Variants in VPS13A observed in about 807,000 individuals in gnomAD.
VPS13A encodes intermembrane lipid transfer protein VPS13A.
In VPS13A, 264 loss-of-function variants were observed where a neutral mutation model predicts 390.9. That is an observed-to-expected ratio of 0.68 (90% CI 0.61 to 0.75). The LOEUF (loss-of-function observed/expected upper bound fraction) is 0.75, where lower values mean the gene tolerates loss of function less well. Among genes scored for constraint, VPS13A ranks in the 30% least tolerant of loss-of-function variants. The probability of loss-of-function intolerance (pLI) is 0.00; values close to 1 mark genes in which losing one functional copy is unlikely to be tolerated. For missense variants in VPS13A, 3,409 were observed against 3,733.9 expected (o/e 0.91, Z 2.27); for synonymous variants, 1,231 against 1,227.1 (o/e 1.00, Z -0.07).
At chr9:77,182,509 A>G (rs1430481174) in intron 1 of VPS13A, among the ~76,000 whole-genome samples, 1 of 152,196 alleles carries the variant, frequency 6.6e-6, no homozygotes, top group African/African-American at 2.4e-5. Flanking sequence ...TAGGACATGA[A>G]AATATTTTTT....
rs115879935 is a variant in VPS13A, at chr9:77,421,529, C to A, written c.*5523C>A. ...GTATACCTTTGTCAAATAAAGATTTCTGATCTTTGGTCTGCTTCTGTTTTT... is the reference window on the plus strand; with the variant it reads ...GTATACCTTTGTCAAATAAAGATTTATGATCTTTGGTCTGCTTCTGTTTTT... On this transcript the variant is annotated 3_prime_UTR_variant, in exon 72 of 72. Transcript: ENST00000360280. 146 of 152,180 alleles carry A rather than the reference C, an allele frequency of 9.6e-4. No individual in the cohort carries two copies. The highest frequency in any genetic ancestry group is 3.4e-3 in the African/African-American group (143 of 41,528). 9.4% of individuals were successfully genotyped at this position (152,180 alleles called of 1,614,324 possible). A position where few individuals can be genotyped will look rare whatever the true frequency, so the allele number is the denominator to read the frequency against.
rs1823202650 is a variant in VPS13A at position 77,221,364 on chromosome 9, T to G, written c.1161+8T>G. On this transcript the variant is annotated splice_region_variant and intron_variant, in intron 13 of 71. Transcript: ENST00000360280. Reference sequence around the variant, plus strand: ...CTTCTCGTGTCTTTGGAGGTTAGCATTTAAAATGAAATTGTTGAGTGTTTT... The same window carrying G: ...CTTCTCGTGTCTTTGGAGGTTAGCAGTTAAAATGAAATTGTTGAGTGTTTT... The G allele has an allele frequency of 1.9e-6, 3 of 1,612,018 alleles. No homozygotes were observed. The highest frequency in any genetic ancestry group is 2.5e-6 in the Non-Finnish European group (3 of 1,179,138).
chr9:77,312,874 T>A (rs576947978), intron 35 of VPS13A, among the ~76,000 whole-genome samples: 1 of 152,140 alleles, frequency 6.6e-6, no homozygotes, highest in African/African-American at 2.4e-5. Flanking sequence ...GGCAAAGAAT[T>A]TGAAAGTTAA....
chr9:77,403,190 G>A, intron 68 of VPS13A, 46 bp from the exon 69 acceptor site: 1 of 1,420,126 alleles, frequency 7.0e-7, no homozygotes. Flanking sequence ...CATTACAGTA[G>A]GAAATACTAT....
At chr9:77,406,088 C>T in intron 70 of VPS13A, 101 bp downstream of exon 70, 3 of 1,481,824 alleles carry the variant, frequency 2.0e-6, no homozygotes, top group Non-Finnish European at 2.8e-6. Flanking sequence ...TTATAGATGT[C>T]ACTTTGTCCT....
At chr9:77,248,524 T>G (rs1028735774) in intron 20 of VPS13A, among the ~76,000 whole-genome samples, 1 of 152,026 alleles carries the variant, frequency 6.6e-6, no homozygotes. Flanking sequence ...GACCCTTTTT[T>G]TCTAATTATA....
intron 68 of VPS13A, chr9:77,395,843 A>G (rs1470438912): frequency 6.6e-6 from 1 of 152,168 alleles, no homozygotes; most frequent in Admixed American, 6.5e-5. Flanking sequence ...TAAGAATTTA[A>G]AAAAGAATCT....
chr9:77,221,330 C>A lies in VPS13A; in HGVS notation c.1135C>A (p.Pro379Thr). Residue 379 changes from proline (P) to threonine (T), a missense_variant, in exon 13 of 72, where the codon CCT becomes ACT. Coordinates refer to ENST00000360280, the MANE Select transcript of VPS13A (RefSeq NM_033305.3). Reference sequence around the variant, plus strand: ...AAAAAAGTTAACAAGTAAGAAGCCACCTGGTGAACTTCTCGTGTCTTTGGA... The same window carrying A: ...AAAAAAGTTAACAAGTAAGAAGCCAACTGGTGAACTTCTCGTGTCTTTGGA... ...YKKKLTSKKP[P>T]GELLVSLEEL... 6.2e-7 allele frequency: 1 copy of A among 1,613,000 alleles called. No homozygotes were observed. The highest frequency in any genetic ancestry group is 1.3e-5 in the African/African-American group (1 of 74,968).
intron 7 of VPS13A, among the ~76,000 whole-genome samples, chr9:77,211,036 CATT>C (rs993612463): frequency 1.3e-5 from 2 of 152,150 alleles, no homozygotes; most frequent in South Asian, 2.1e-4. Flanking sequence ...TTCTCAATAT[CATT>C]ATTAATATTG....
intron 46 of VPS13A, among the ~76,000 whole-genome samples, chr9:77,334,561 T>C (rs1054452158): frequency 3.3e-5 from 5 of 152,190 alleles, no homozygotes; most frequent in African/African-American, 4.8e-5. Flanking sequence ...AGCCAACCAC[T>C]CTGCCCTCAG....
chr9:77,407,661 TAA>T (rs763540372), intron 71 of VPS13A, 54 bp downstream of exon 71: 11 of 1,313,820 alleles, frequency 8.4e-6, no homozygotes, highest in Non-Finnish European at 1.1e-5. Context: ...CAAAATCATG[TAA>T]GTGGACTATT....
At chr9:77,331,651 A>G (rs1357213728) in intron 45 of VPS13A, among the ~76,000 whole-genome samples, 2 of 151,876 alleles carry the variant, frequency 1.3e-5, no homozygotes, top group Admixed American at 6.5e-5. Flanking sequence ...TGTCACTTTT[A>G]TCATATAAAT....
chr9:77,321,637 T>C lies in VPS13A; in HGVS notation c.5721T>C (p.Tyr1907=), dbSNP rs773977853. 27 of 1,613,256 alleles carry C rather than the reference T, an allele frequency of 1.7e-5. No individual in the cohort carries two copies. Among genetic ancestry groups the C allele is most frequent in the Non-Finnish European group, 2.3e-5 (27 of 1,179,592 alleles). The change falls in exon 44 of 72, where the codon TAT becomes TAC. Residue 1907 remains tyrosine (Y), a synonymous_variant. Coordinates refer to ENST00000360280, the MANE Select transcript of VPS13A (RefSeq NM_033305.3). ...TCAACATTCCTATGGCAAAATCATATGTATTGAAAAATGGAGAAAGTTTAA... is the reference window on the plus strand; with the variant it reads ...TCAACATTCCTATGGCAAAATCATACGTATTGAAAAATGGAGAAAGTTTAA... ...SVLNIPMAKS[Y]VLKNGESLSM...
intron 55 of VPS13A, among the ~76,000 whole-genome samples, chr9:77,357,401 G>T (rs1831869779): frequency 6.8e-6 from 1 of 147,214 alleles, no homozygotes; most frequent in African/African-American, 2.5e-5. Flanking sequence ...TGGGTTAGCA[G>T]GAAACTTAAA....
Position 77,368,098 on chromosome 9 carries a change from G to A in VPS13A, c.8515G>A (p.Asp2839Asn), listed in dbSNP as rs751281702. The A allele has an allele frequency of 2.5e-5, 40 of 1,612,196 alleles. No homozygotes were observed. Among genetic ancestry groups the A allele is most frequent in the Admixed American group, 6.7e-5 (4 of 59,938 alleles). ...CAACTATCAGTTCCATACAACATCCGATCTACAGTCTGAAGTCATAAGACA... is the reference window on the plus strand; with the variant it reads ...CAACTATCAGTTCCATACAACATCCAATCTACAGTCTGAAGTCATAAGACA... ...ELNYQFHTTS[D>N]LQSEVIRHYS... Residue 2839 changes from aspartate (D) to asparagine (N), a missense_variant, in exon 62 of 72, where the codon GAT becomes AAT. By Grantham distance (23) the Asp-to-Asn change is conservative. Transcript: ENST00000360280.
rs913660793 is a variant in VPS13A at position 77,418,663 on chromosome 9, C to T, written c.*2657C>T. 1.3e-5 allele frequency: 1 copy of T among 75,790 alleles called. No homozygotes were observed. The highest frequency in any genetic ancestry group is 2.9e-5 in the Non-Finnish European group (1 of 34,812). 4.7% of individuals were successfully genotyped at this position (75,790 alleles called of 1,614,324 possible). A position where few individuals can be genotyped will look rare whatever the true frequency, so the allele number is the denominator to read the frequency against. On this transcript the variant is annotated 3_prime_UTR_variant, in exon 72 of 72. Coordinates refer to ENST00000360280, the MANE Select transcript of VPS13A (RefSeq NM_033305.3). ...CCACCTGTAGACAGTTCTTACCTAC[C>T]CCTCTCCTCCACAATCCTAGTCCAT...
chr9:77,276,749 G>T (rs1301773952), intron 26 of VPS13A, among the ~76,000 whole-genome samples: 2 of 152,130 alleles, frequency 1.3e-5, no homozygotes, highest in African/African-American at 4.8e-5. Context: ...CTGCCCTTAG[G>T]CCTCAGTTGC....
intron 13 of VPS13A, among the ~76,000 whole-genome samples, chr9:77,222,240 G>A (rs1422577413): frequency 6.6e-6 from 1 of 152,102 alleles, no homozygotes; most frequent in East Asian, 1.9e-4. Flanking sequence ...GATGGGTTCA[G>A]GTTGTCTTAG....
At chr9:77,182,790 A>T (rs1385591453) in intron 1 of VPS13A, among the ~76,000 whole-genome samples, 2 of 152,172 alleles carry the variant, frequency 1.3e-5, no homozygotes, top group Non-Finnish European at 2.9e-5. Context: ...ATGTAACATT[A>T]GAAGTTCAGA....
Sources: allele counts gnomAD v4.1 joint callset (sites outside exome capture counted in the v4.1 genomes callset), GRCh38; gene constraint gnomAD v4.1.1; transcripts MANE v1.5; gene names NCBI Gene and HGNC (gene_info 2026-07-23, HGNC 2026-07-21).